SLC35F3: variants seen among roughly 807,000 people sequenced by gnomAD.
SLC35F3 encodes solute carrier family 35 member F3.
Under a neutral mutation model 49.9 loss-of-function variants are expected in SLC35F3, and 25 were observed. The ratio of observed to expected loss-of-function variants is 0.50; its 90% CI spans 0.37 to 0.70. The LOEUF (loss-of-function observed/expected upper bound fraction) is 0.70. SLC35F3 is among the 30% of genes least tolerant of loss of function. The pLI is 0.00. For missense variants in SLC35F3, 525 were observed against 639.8 expected, an observed-to-expected ratio of 0.82 and a Z score of 1.94; for synonymous variants, 275 against 265.4, an observed-to-expected ratio of 1.04 and a Z score of -0.35.
chr1:234,165,139 A>G (rs1045132820), intron 2 of SLC35F3, among the ~76,000 whole-genome samples: 2 of 152,000 alleles, frequency 1.3e-5, no homozygotes, highest in Non-Finnish European at 2.9e-5. Context: ...GCATTAGTAT[A>G]TAGTATATAT....
intron 3 of SLC35F3, among the ~76,000 whole-genome samples, chr1:234,267,643 C>A (rs1373921910): frequency 9.2e-5 from 14 of 151,720 alleles, no homozygotes; most frequent in Admixed American, 3.3e-4. Flanking sequence ...GCTGACCCCC[C>A]CACCTCCCTC....
chr1:233,913,322 A>G (rs562790117), intron 2 of SLC35F3, among the ~76,000 whole-genome samples: 1 of 152,186 alleles, frequency 6.6e-6, no homozygotes, highest in Non-Finnish European at 1.5e-5. Flanking sequence ...TTACAGTACC[A>G]GTCATCTGAT....
intron 2 of SLC35F3, among the ~76,000 whole-genome samples, chr1:234,115,565 C>T (rs1665473970): frequency 6.6e-6 from 1 of 152,162 alleles, no homozygotes; most frequent in South Asian, 2.1e-4. Context: ...TACTCACTAT[C>T]CCCACTTAAC....
intron 2 of SLC35F3, among the ~76,000 whole-genome samples, chr1:234,221,008 A>G (rs1317827158): frequency 6.6e-6 from 1 of 152,176 alleles, no homozygotes; most frequent in Non-Finnish European, 1.5e-5. Context: ...CACATTTAGG[A>G]CATAAGGGAG....
chr1:234,119,445 A>G (rs1393367409), intron 2 of SLC35F3, among the ~76,000 whole-genome samples: 13 of 152,172 alleles, frequency 8.5e-5, no homozygotes, highest in Admixed American at 8.5e-4. Flanking sequence ...CTAATTTGTT[A>G]TTAAAAAGTT....
chr1:233,913,715 A>G (rs924263554), intron 2 of SLC35F3, among the ~76,000 whole-genome samples: 1 of 152,194 alleles, frequency 6.6e-6, no homozygotes, highest in African/African-American at 2.4e-5. Context: ...ATTATCCTGC[A>G]TAGAAACACT....
At chr1:233,914,007 A>G (rs1302135138) in intron 2 of SLC35F3, among the ~76,000 whole-genome samples, 1 of 152,152 alleles carries the variant, frequency 6.6e-6, no homozygotes, top group East Asian at 1.9e-4. Flanking sequence ...GAAGAACGTG[A>G]CATGTCTTCA....
chr1:234,248,503 G>A (rs1484547186), intron 3 of SLC35F3, among the ~76,000 whole-genome samples: 4 of 152,104 alleles, frequency 2.6e-5, no homozygotes, highest in African/African-American at 7.3e-5. Context: ...TGGTTGGCTC[G>A]TCCATTGTTT....
intron 2 of SLC35F3, among the ~76,000 whole-genome samples, chr1:233,999,393 G>A (rs1214225690): frequency 1.3e-5 from 2 of 149,428 alleles, no homozygotes; most frequent in Non-Finnish European, 3.0e-5. Context: ...TTTCCCCAAA[G>A]CACCACTCTT....
chr1:234,097,046 G>A (rs1277320062), intron 2 of SLC35F3, among the ~76,000 whole-genome samples: 2 of 151,896 alleles, frequency 1.3e-5, no homozygotes, highest in African/African-American at 4.8e-5. Flanking sequence ...TGCGCCACCA[G>A]GCATGGCTAA....
chr1:234,092,581 G>A (rs1208657146), intron 2 of SLC35F3, among the ~76,000 whole-genome samples: 1 of 152,184 alleles, frequency 6.6e-6, no homozygotes, highest in Non-Finnish European at 1.5e-5. Flanking sequence ...ATGAATGTAG[G>A]AGGCTGGCTA....
At chr1:234,243,671 C>T (rs1179133375) in intron 3 of SLC35F3, among the ~76,000 whole-genome samples, 4 of 152,174 alleles carry the variant, frequency 2.6e-5, no homozygotes, top group Non-Finnish European at 1.5e-5. Context: ...TCTCAGGAGT[C>T]CTAAGCAAGC....
chr1:234,137,095 G>A (rs1665823136), intron 2 of SLC35F3, among the ~76,000 whole-genome samples: 1 of 152,192 alleles, frequency 6.6e-6, no homozygotes, highest in South Asian at 2.1e-4. Context: ...ACTGGACAAG[G>A]TAACCAATCC....
At chr1:233,973,870 A>G (rs2102818421) in intron 2 of SLC35F3, among the ~76,000 whole-genome samples, 1 of 152,248 alleles carries the variant, frequency 6.6e-6, no homozygotes, top group Admixed American at 6.5e-5. Flanking sequence ...TCTTTTTGAA[A>G]CCAGTGCAGA....
intron 2 of SLC35F3, among the ~76,000 whole-genome samples, chr1:234,122,034 G>A (rs1665585276): frequency 6.6e-6 from 1 of 152,178 alleles, no homozygotes; most frequent in African/African-American, 2.4e-5. Context: ...ATATATGTGT[G>A]CATGTGTCTT....
At chr1:234,131,657 G>A (rs1382530725) in intron 2 of SLC35F3, among the ~76,000 whole-genome samples, 2 of 152,230 alleles carry the variant, frequency 1.3e-5, no homozygotes, top group Non-Finnish European at 2.9e-5. Context: ...CAGCATTGAT[G>A]TTAGGGAGCA....
At chr1:234,152,227 GTTATTA>G (rs61307533) in intron 2 of SLC35F3, among the ~76,000 whole-genome samples, 98 of 144,580 alleles carry the variant, frequency 6.8e-4, no homozygotes, top group African/African-American at 2.2e-3. Flanking sequence ...TATTATTATT[GTTATTA>G]TTATTATTAT....
intron 2 of SLC35F3, among the ~76,000 whole-genome samples, chr1:233,969,173 T>A (rs1438786183): frequency 6.6e-6 from 1 of 152,244 alleles, no homozygotes; most frequent in East Asian, 1.9e-4. Flanking sequence ...CATCTTCAGT[T>A]TTCAGACGTC....
chr1:234,069,084 A>ATAT (rs368508531), intron 2 of SLC35F3, among the ~76,000 whole-genome samples: 79,082 of 119,310 alleles, frequency 0.66, 27,169 homozygotes, highest in African/African-American at 0.74. Flanking sequence ...TATGCAATAT[A>ATAT]TATTATATAT....
Sources: gnomAD v4.1 joint callset for allele counts (sites outside exome capture counted in the v4.1 genomes callset) on GRCh38, gnomAD v4.1.1 for gene constraint, MANE v1.5 for transcripts, NCBI Gene and HGNC (gene_info 2026-07-23, HGNC 2026-07-21) for gene names.